The following RIMS1 variants were observed in gnomAD, a reference collection of about 807,000 sequenced individuals.
RIMS1 encodes the protein regulating synaptic membrane exocytosis 1.
In RIMS1, 83 loss-of-function variants were observed where a neutral mutation model predicts 214.1. The observed-to-expected ratio is 0.39, with a 90% CI of 0.32 to 0.47. The LOEUF (loss-of-function observed/expected upper bound fraction) is 0.47, where lower values mean the gene tolerates loss of function less well. RIMS1 is among the 20% of genes least tolerant of loss of function. The pLI is 0.99. For missense variants in RIMS1, 2,050 were observed against 2,161.8 expected (o/e 0.95, Z 1.03); for synonymous variants, 793 against 786.8 (o/e 1.01, Z -0.13).
intron 15 of RIMS1, 100 bp from the exon 16 acceptor site, chr6:72,252,661 T>C (rs1378299429): frequency 9.1e-6 from 8 of 878,930 alleles, no homozygotes; most frequent in Non-Finnish European, 1.3e-5. Flanking sequence ...AAGTTTTCAG[T>C]AATAATGCAA....
intron 2 of RIMS1, among the ~76,000 whole-genome samples, chr6:72,012,525 A>G (rs1010742965): frequency 2.0e-5 from 3 of 152,158 alleles, no homozygotes; most frequent in African/African-American, 7.2e-5. Flanking sequence ...AAGGATTAAT[A>G]ACTAGTCATT....
At chr6:72,183,890 T>C (rs2048726413) in intron 6 of RIMS1, among the ~76,000 whole-genome samples, 1 of 152,190 alleles carries the variant, frequency 6.6e-6, no homozygotes, top group Non-Finnish European at 1.5e-5. Context: ...TTAAAAATGA[T>C]AAAACCTTAA....
chr6:72,094,141 T>TAAGAA (rs146210951), intron 2 of RIMS1, among the ~76,000 whole-genome samples: 66,050 of 151,724 alleles, frequency 0.44, 15,411 homozygotes, highest in Non-Finnish European at 0.52. Context: ...CAAAACAGAC[T>TAAGAA]AATTTATACC....
intron 1 of RIMS1, among the ~76,000 whole-genome samples, chr6:71,955,178 T>C (rs1359150724): frequency 6.6e-6 from 1 of 152,080 alleles, no homozygotes; most frequent in Non-Finnish European, 1.5e-5. Flanking sequence ...GGACATTTTT[T>C]TTTTGTGAGA....
chr6:72,214,531 A>G (rs958942536), intron 6 of RIMS1, among the ~76,000 whole-genome samples: 3 of 152,210 alleles, frequency 2.0e-5, no homozygotes, highest in Non-Finnish European at 4.4e-5. Flanking sequence ...ATATTAGATT[A>G]ATGACATTCA....
intron 2 of RIMS1, among the ~76,000 whole-genome samples, chr6:72,034,820 G>A (rs1250770675): frequency 6.6e-6 from 1 of 152,030 alleles, no homozygotes; most frequent in Non-Finnish European, 1.5e-5. Context: ...ATGTTATACA[G>A]GTATGTAAAT....
chr6:72,269,723 A>G (rs1456812340), intron 22 of RIMS1, among the ~76,000 whole-genome samples: 1 of 152,186 alleles, frequency 6.6e-6, no homozygotes, highest in Non-Finnish European at 1.5e-5. Flanking sequence ...GAATATATTA[A>G]TAGATAGCCC....
At chr6:72,260,354 A>C (rs1212822025) in intron 18 of RIMS1, among the ~76,000 whole-genome samples, 1 of 152,140 alleles carries the variant, frequency 6.6e-6, no homozygotes, top group Non-Finnish European at 1.5e-5. Flanking sequence ...TCCCATTAGT[A>C]TCAGGCCAAA....
chr6:72,149,937 G>A (rs1375984143), intron 4 of RIMS1, among the ~76,000 whole-genome samples: 1 of 152,166 alleles, frequency 6.6e-6, no homozygotes, highest in Non-Finnish European at 1.5e-5. Flanking sequence ...GACCTAGCCT[G>A]CCTGTTTTAC....
At chr6:72,160,608 T>G (rs2045241150) in intron 4 of RIMS1, among the ~76,000 whole-genome samples, 1 of 140,892 alleles carries the variant, frequency 7.1e-6, no homozygotes, top group Non-Finnish European at 1.6e-5. Flanking sequence ...TGTTGAATTT[T>G]GTCAAATGCC....
chr6:72,297,604 C>G (rs1350458747), intron 26 of RIMS1, among the ~76,000 whole-genome samples: 2 of 151,932 alleles, frequency 1.3e-5, no homozygotes, highest in African/African-American at 4.8e-5. Flanking sequence ...TGAGAGGTGT[C>G]ATCACCCCTC....
chr6:72,233,193 A>G (rs2062676055), intron 6 of RIMS1, among the ~76,000 whole-genome samples: 2 of 151,840 alleles, frequency 1.3e-5, no homozygotes, highest in African/African-American at 4.8e-5. Context: ...TCATAAACAC[A>G]TATTTACAAA....
chr6:72,207,498 C>T (rs2053131805), intron 6 of RIMS1, among the ~76,000 whole-genome samples: 1 of 151,992 alleles, frequency 6.6e-6, no homozygotes, highest in Non-Finnish European at 1.5e-5. Flanking sequence ...TAGCTGATGT[C>T]CATGACTATA....
At chr6:71,935,564 G>A (rs1307460020) in intron 1 of RIMS1, among the ~76,000 whole-genome samples, 1 of 150,596 alleles carries the variant, frequency 6.6e-6, no homozygotes, top group Non-Finnish European at 1.5e-5. Context: ...CAAATTAAAG[G>A]AACAAAATAG....
intron 26 of RIMS1, among the ~76,000 whole-genome samples, chr6:72,297,811 G>A (rs1171245197): frequency 6.6e-6 from 1 of 151,938 alleles, no homozygotes; most frequent in Non-Finnish European, 1.5e-5. Flanking sequence ...AAGAATAGAA[G>A]CAAGGTCAAG....
chr6:72,065,003 T>A (rs2152271881), intron 2 of RIMS1, among the ~76,000 whole-genome samples: 1 of 152,320 alleles, frequency 6.6e-6, no homozygotes, highest in East Asian at 1.9e-4. Flanking sequence ...AGAGCAATAG[T>A]ATGAAGGTTA....
In RIMS1 at chr6:72,182,889, A is replaced by C; in HGVS notation, c.1418A>C (p.Gln473Pro). 3 of 1,569,842 alleles carry C rather than the reference A, an allele frequency of 1.9e-6. No individual in the cohort carries two copies. The highest frequency in any genetic ancestry group is 2.6e-6 in the Non-Finnish European group (3 of 1,159,156). The change falls in exon 6 of 34, where the codon CAG becomes CCG. Residue 473 changes from glutamine (Q) to proline (P), a missense_variant. Gln to Pro is a moderately conservative substitution (Grantham distance 76). Coordinates refer to ENST00000521978, the MANE Select transcript of RIMS1 (RefSeq NM_014989.7). The part of the protein sequence containing the change: ...ELKAQEPLRK[Q>P]SRLDPSSAVL... Reference sequence around the variant, plus strand: ...AAAGCCCAGGAGCCCCTCAGGAAGCAGAGCCGCCTGGACCCCAGCTCGGCG... The same window carrying C: ...AAAGCCCAGGAGCCCCTCAGGAAGCCGAGCCGCCTGGACCCCAGCTCGGCG...
chr6:72,153,726 G>A (rs1331931213), intron 4 of RIMS1, among the ~76,000 whole-genome samples: 1 of 152,098 alleles, frequency 6.6e-6, no homozygotes, highest in Non-Finnish European at 1.5e-5. Context: ...CAGAGGAGGG[G>A]CTATGGAAGA....
At position 71,887,867 on chromosome 6, in the gene RIMS1, A is replaced by G. The variant is rs76166459; in HGVS notation, c.164+680A>G. Among the ~76,000 whole-genome samples the G allele has an allele frequency of 2.0e-4, 31 of 152,268 alleles. 1 individual carries two copies. The East Asian group carries it at 4.1e-3, about 20-fold the overall frequency. On this transcript the variant is annotated intron_variant, in intron 1 of 33. Coordinates refer to ENST00000521978, the MANE Select transcript of RIMS1 (RefSeq NM_014989.7). ...CTCCATATGTAATGCCACTGGCAAT[A>G]CAAAGTTTTTAATCATGGGAGAAGC...
Sources: gnomAD v4.1 joint callset for allele counts (sites outside exome capture counted in the v4.1 genomes callset) on GRCh38, gnomAD v4.1.1 for gene constraint, MANE v1.5 for transcripts, NCBI Gene and HGNC (gene_info 2026-07-23, HGNC 2026-07-21) for gene names.